PFKFB3: variants seen among roughly 807,000 people sequenced by gnomAD.
The protein encoded by PFKFB3 is 6-phosphofructo-2-kinase/fructose-2,6-bisphosphatase 3.
A neutral mutation model predicts 68.0 loss-of-function variants in PFKFB3; 33 were observed. That is an observed-to-expected ratio of 0.49 (90% CI 0.37 to 0.65). The LOEUF is 0.65. PFKFB3 is among the 30% of genes least tolerant of loss of function. PFKFB3 has a pLI of 0.00. For synonymous variants in PFKFB3, 315 were observed against 288.2 expected, an observed-to-expected ratio of 1.09 and a Z score of -0.94; for missense variants, 586 against 712.2, an observed-to-expected ratio of 0.82 and a Z score of 2.02.
At chr10:6,266,679 T>C in the PFKFB3 span, among the ~76,000 whole-genome samples, 1 of 152,232 alleles carries the variant, frequency 6.6e-6, no homozygotes, top group Admixed American at 6.5e-5. Flanking sequence ...CCAATTCTAA[T>C]TCAATGCAAA....
the PFKFB3 span, among the ~76,000 whole-genome samples, chr10:6,271,539 G>A: frequency 1.3e-5 from 2 of 152,226 alleles, no homozygotes; most frequent in Non-Finnish European, 2.9e-5. Flanking sequence ...AGCACAGGGA[G>A]CTGATGAAGC....
In PFKFB3 at chr10:6,226,335, C is replaced by T. The variant is rs1173606763; in HGVS notation, c.1485C>T (p.Pro495=). 2 of 1,613,430 alleles carry T rather than the reference C, an allele frequency of 1.2e-6. No homozygotes were observed. The highest frequency in any genetic ancestry group is 1.7e-6 in the Non-Finnish European group (2 of 1,179,828). ...CGGCCGCCCTGCCCAGCTGCCTGCC[C>T]CCGGAGGTGCCCACGCAGCTGCCTG... ...STSAALPSCL[P]PEVPTQLPGQ... The change falls in exon 14 of 15, where the codon CCC becomes CCT. Residue 495 remains proline (P), a synonymous_variant. Coordinates refer to ENST00000379775, the MANE Select transcript of PFKFB3 (RefSeq NM_004566.4).
intron 14 of PFKFB3, among the ~76,000 whole-genome samples, chr10:6,249,128 T>C (rs1458178263): frequency 6.8e-6 from 1 of 146,078 alleles, no homozygotes; most frequent in Non-Finnish European, 1.5e-5. Context: ...GAGCTGAGAT[T>C]GCGCCATTGC....
chr10:6,146,573 C>T (rs1841396217), intron 1 of PFKFB3: 7 of 1,335,104 alleles, frequency 5.2e-6, no homozygotes, highest in Admixed American at 4.2e-5. Flanking sequence ...TCATTAACTG[C>T]AGGGGACAAT....
At chr10:6,172,372 G>T (rs941811288) in intron 1 of PFKFB3, among the ~76,000 whole-genome samples, 3 of 152,238 alleles carry the variant, frequency 2.0e-5, no homozygotes, top group African/African-American at 7.2e-5. Context: ...CCTGAGCTGG[G>T]CAGACAGGAC....
At chr10:6,280,823 T>G in the PFKFB3 span, among the ~76,000 whole-genome samples, 7 of 151,726 alleles carry the variant, frequency 4.6e-5, no homozygotes, top group African/African-American at 1.7e-4. Flanking sequence ...GTTTCTGTAG[T>G]TTTTTGGGGG....
downstream of PFKFB3, among the ~76,000 whole-genome samples, chr10:6,256,824 G>T (rs192199874): frequency 1.3e-5 from 2 of 152,174 alleles, no homozygotes; most frequent in South Asian, 4.1e-4. Flanking sequence ...TTGCTGTGGT[G>T]GGTTCTGGGC....
chr10:6,323,676 G>A, the PFKFB3 span, among the ~76,000 whole-genome samples: 5 of 152,148 alleles, frequency 3.3e-5, no homozygotes, highest in South Asian at 2.1e-4. Context: ...TGTTCACTCC[G>A]TGCCTCTCCA....
intron 1 of PFKFB3, among the ~76,000 whole-genome samples, chr10:6,169,340 A>G (rs1308556585): frequency 1.3e-5 from 2 of 151,986 alleles, no homozygotes; most frequent in Non-Finnish European, 2.9e-5. Flanking sequence ...TTACGCAGGG[A>G]GGATTGTGAT....
Position 6,210,521 on chromosome 10 carries a change from C to T in PFKFB3, c.77-3102C>T, listed in dbSNP as rs572234585. On this transcript the variant is annotated intron_variant, in intron 1 of 14. Coordinates refer to ENST00000379775, the MANE Select transcript of PFKFB3 (RefSeq NM_004566.4). The stretch of plus-strand genomic sequence containing the variant: ...GACTACAGGCGCCCGCCAACATGGC[C>T]GGCTAATTTTTTGTGTTTTTAATAG... Among the ~76,000 whole-genome samples the T allele has an allele frequency of 6.8e-4, 76 of 112,530 alleles. 21 individuals are homozygous for T. The South Asian group carries it at 0.023, about 34-fold the overall frequency. 73.8% of individuals were successfully genotyped at this position (112,530 alleles called of 152,430 possible).
intron 1 of PFKFB3, among the ~76,000 whole-genome samples, chr10:6,160,925 T>A (rs80116139): frequency 0.011 from 1,643 of 152,100 alleles, 68 homozygotes; most frequent in East Asian, 0.099. Flanking sequence ...TTTTTTTAAA[T>A]TTTTTTAATT....
the PFKFB3 span, among the ~76,000 whole-genome samples, chr10:6,303,380 A>G: frequency 3.3e-4 from 51 of 152,250 alleles, 1 homozygote; most frequent in Admixed American, 1.1e-3. Context: ...ACATCCTACC[A>G]TGACAAAATA....
At chr10:6,183,614 A>AAAATATATATATATAT (rs1242752213) in intron 1 of PFKFB3, among the ~76,000 whole-genome samples, 1 of 93,944 alleles carries the variant, frequency 1.1e-5, no homozygotes, top group African/African-American at 3.4e-5. Flanking sequence ...AAAAAAAAAA[A>AAAATATATATATATAT]ATATATATAT....
Position 6,220,942 on chromosome 10 carries a change from G to GTGCTGCTGC in PFKFB3, c.831+97_831+105dup, listed in dbSNP as rs3084010. 6.9e-5 allele frequency: 61 copies of GTGCTGCTGC among 887,010 alleles called. No homozygotes were observed. Among genetic ancestry groups the GTGCTGCTGC allele is most frequent in the Middle Eastern group, 2.2e-4 (1 of 4,502 alleles). The allele number at this position is 887,010 out of a possible 1,614,324, so 54.9% of individuals were successfully genotyped here. A position where few individuals can be genotyped will look rare whatever the true frequency, so the allele number is the denominator to read the frequency against. On this transcript the variant is annotated intron_variant, in intron 8 of 14. Coordinates refer to ENST00000379775, the MANE Select transcript of PFKFB3 (RefSeq NM_004566.4). The surrounding 1 kb of genome is among the most constrained non-coding windows in gnomAD (Gnocchi z 4.1). Reference sequence around the variant, plus strand: ...GTCTATAGGGTGGGTGGGGAGCTGTGTGCTGCTGCTGCTGCTGCTGCTGCT... The same window carrying GTGCTGCTGC: ...GTCTATAGGGTGGGTGGGGAGCTGTGTGCTGCTGCTGCTGCTGCTGCTGCTGCTGCTGCT...
intron 1 of PFKFB3, among the ~76,000 whole-genome samples, chr10:6,185,146 C>T (rs774487641): frequency 3.2e-4 from 49 of 152,338 alleles, no homozygotes; most frequent in Admixed American, 5.9e-4. Flanking sequence ...GCACGCCCCA[C>T]GAGGGCCTCT....
the PFKFB3 span, among the ~76,000 whole-genome samples, chr10:6,263,284 G>C: frequency 6.6e-6 from 1 of 152,266 alleles, no homozygotes; most frequent in South Asian, 2.1e-4. Flanking sequence ...TACTCATGCT[G>C]TTGTTTGCGG....
chr10:6,168,609 T>C (rs761451691), intron 1 of PFKFB3, among the ~76,000 whole-genome samples: 5 of 152,162 alleles, frequency 3.3e-5, no homozygotes, highest in Non-Finnish European at 5.9e-5. Flanking sequence ...TAAGTGGGCC[T>C]TATTATTCCT....
the PFKFB3 span, among the ~76,000 whole-genome samples, chr10:6,302,234 T>G: frequency 1.3e-5 from 2 of 151,108 alleles, no homozygotes; most frequent in Non-Finnish European, 3.0e-5. Context: ...TTTGTATTTA[T>G]AGTTGAGGTG....
At chr10:6,155,625 C>G (rs901009758) in intron 1 of PFKFB3, among the ~76,000 whole-genome samples, 21 of 152,162 alleles carry the variant, frequency 1.4e-4, no homozygotes, top group African/African-American at 5.1e-4. Flanking sequence ...CATGGACCCC[C>G]ACTCCAGGAA....
Sources: allele counts gnomAD v4.1 joint callset (sites outside exome capture counted in the v4.1 genomes callset), GRCh38; gene constraint gnomAD v4.1.1; non-coding constraint Gnocchi (gnomAD v3.1); transcripts MANE v1.5; gene names NCBI Gene and HGNC (gene_info 2026-07-23, HGNC 2026-07-21).